Variants in FBXL6 observed in about 807,000 individuals in gnomAD.
FBXL6 encodes F-box and leucine rich repeat protein 6.
FBXL6 carries 50 observed loss-of-function variants against 53.3 expected under a neutral mutation model. The observed-to-expected ratio is 0.94, with a 90% CI of 0.75 to 1.19. The LOEUF is 1.19. Among genes scored for constraint, FBXL6 ranks in the 50% most tolerant of loss-of-function variants. The probability of loss-of-function intolerance (pLI) is 0.00; values close to 1 mark genes in which losing one functional copy is unlikely to be tolerated. For missense variants in FBXL6, 815 were observed against 719.0 expected, an observed-to-expected ratio of 1.13 and a Z score of -1.53; for synonymous variants, 405 against 322.9, an observed-to-expected ratio of 1.25 and a Z score of -2.73.
rs782730397 is a variant in FBXL6, at chr8:144,358,141, G to C, written c.307C>G (p.Pro103Ala). ...CAGCCCGCGTCGGGCCCTTCCTCGG[G>C]CGTGGGCGTGGGTGCCGGTGCGGGT... Reference protein sequence around the residue: ...PAPAPAPTPTPEEGPDAGWGD... With the variant: ...PAPAPAPTPTAEEGPDAGWGD... Residue 103 changes from proline to alanine, a missense_variant, in exon 1 of 9, where the codon CCC (proline) becomes GCC (alanine). Transcript: ENST00000331890. The C allele has an allele frequency of 1.9e-6, 3 of 1,554,248 alleles. No homozygotes were observed. Among genetic ancestry groups the C allele is most frequent in the African/African-American group, 2.8e-5 (2 of 70,308 alleles).
At position 144,356,705 on chromosome 8, in the gene FBXL6, G is replaced by C; in HGVS notation, c.888C>G (p.Cys296Trp). The C allele has an allele frequency of 6.2e-7, 1 of 1,612,320 alleles. No homozygotes were observed. Among genetic ancestry groups the C allele is most frequent in the Middle Eastern group, 1.6e-4 (1 of 6,062 alleles). ...CCTCCAGGACCTGGAGCTGGGGGCA[G>C]CAGCTGCCCTGCAGAGATGGGGGGA... The part of the protein sequence containing the change: ...TAILGALLGS[C>W]CPQLQVLEVS... Residue 296 changes from cysteine (C) to tryptophan (W), a missense_variant, in exon 6 of 9, where the codon TGC (cysteine) becomes TGG (tryptophan). Transcript: ENST00000331890.
In FBXL6 at chr8:144,357,721, G is replaced by C; in HGVS notation, c.482C>G (p.Thr161Ser). Reference protein sequence around the residue: ...ASQPALWHTVTLSSPLVGRPA... With the variant: ...ASQPALWHTVSLSSPLVGRPA... The stretch of plus-strand genomic sequence containing the variant: ...CCGGCCGACCAGCGGGGACGACAGG[G>C]TCACGGTGTGCCAGAGCGCGGGTTG... The change falls in exon 2 of 9, where the codon ACC (threonine) becomes AGC (serine). Residue 161 changes from threonine to serine, a missense_variant. Thr to Ser is a moderately conservative substitution (Grantham distance 58, BLOSUM62 1). Coordinates refer to ENST00000331890, the MANE Select transcript of FBXL6 (RefSeq NM_012162.4). The C allele has an allele frequency of 1.2e-6, 2 of 1,608,096 alleles. No individual in the cohort carries two copies. Among genetic ancestry groups the C allele is most frequent in the East Asian group, 4.5e-5 (2 of 44,726 alleles).
At chr8:144,357,816 C>T (rs1554853284) in intron 1 of FBXL6, 30 bp from the exon 2 acceptor site, 6 of 1,489,028 alleles carry the variant, frequency 4.0e-6, no homozygotes, top group South Asian at 2.6e-5. Flanking sequence ...AGGGTGCCGG[C>T]CCCTCCGTAG....
chr8:144,356,948 C>T (rs541935911), intron 4 of FBXL6, 33 bp from the exon 5 acceptor site: 15 of 1,613,110 alleles, frequency 9.3e-6, no homozygotes, highest in South Asian at 2.2e-5. Context: ...CCCGTCACCC[C>T]GGCCTGGGTT....
chr8:144,355,547 C>CT lies in FBXL6; in HGVS notation c.1603dup (p.Ser535LysfsTer39). 9.9e-6 allele frequency: 16 copies of CT among 1,610,494 alleles called. No homozygotes were observed. The highest frequency in any genetic ancestry group is 1.4e-5 in the Non-Finnish European group (16 of 1,179,264). On this transcript the variant is annotated frameshift_variant, in exon 9 of 9. Coordinates refer to ENST00000331890, the MANE Select transcript of FBXL6 (RefSeq NM_012162.4). LOFTEE classifies it high-confidence loss of function. ...TGTGGCTGCCTAGCTGGGTGAGGGG[C>CT]TGGTGAGCAGCTGCTCCAGACACCA...
In FBXL6 at chr8:144,356,380, C is replaced by T. The variant is rs150083531; in HGVS notation, c.1145G>A (p.Gly382Asp). The change falls in exon 7 of 9, where the codon GGC becomes GAC. Residue 382 changes from glycine to aspartate, a missense_variant. Transcript: ENST00000331890. ...ATCCAGTAAGCGCAGGTTGGGAGAG[C>T]CGTGGAGTAGGCGGCCCAGGACCTC... ...SNEVLGRLLHGSPNLRLLDLR... is the reference protein window; with the variant it reads ...SNEVLGRLLHDSPNLRLLDLR... 2 of 1,379,392 alleles carry T rather than the reference C, an allele frequency of 1.4e-6. No individual in the cohort carries two copies. The highest frequency in any genetic ancestry group is 2.3e-5 in the Admixed American group (1 of 43,990). 85.4% of individuals were successfully genotyped at this position (1,379,392 alleles called of 1,614,324 possible). A position where few individuals can be genotyped will look rare whatever the true frequency, so the allele number is the denominator to read the frequency against.
In FBXL6 at chr8:144,357,667, T is replaced by G. The variant is rs782758799; in HGVS notation, c.536A>C (p.Lys179Thr). The G allele has an allele frequency of 1.2e-6, 2 of 1,610,736 alleles. No homozygotes were observed. The highest frequency in any genetic ancestry group is 2.7e-5 in the African/African-American group (2 of 74,922). ...CCACTCCAGGGAAGCAAGGAGCTTC[T>G]TCTCCGCCTTGACCCCGCCCTTGGC... ...RPAKGGVKAE[K>T]KLLASLEWLM... The change falls in exon 2 of 9, where the codon AAG becomes ACG. Residue 179 changes from lysine to threonine, a missense_variant. By Grantham distance (78) the Lys-to-Thr change is moderately conservative. Coordinates refer to ENST00000331890, the MANE Select transcript of FBXL6 (RefSeq NM_012162.4).
chr8:144,356,109 T>G lies in FBXL6; in HGVS notation c.1331A>C (p.Glu444Ala). 2 of 1,612,962 alleles carry G rather than the reference T, an allele frequency of 1.2e-6. No homozygotes were observed. Among genetic ancestry groups the G allele is most frequent in the Non-Finnish European group, 1.7e-6 (2 of 1,180,022 alleles). ...GAACCCCTGGCCACTCAAGTCCAGT[T>G]CTCGCAGTGTATGGCACCACTTCTG... ...LTQKWCHTLR[E>A]LDLSGQGFSE... is the part of the protein sequence containing the mutation. Residue 444 changes from glutamate (E) to alanine (A), a missense_variant, in exon 8 of 9, where the codon GAA becomes GCA. Glu to Ala is a moderately radical substitution (Grantham distance 107). Coordinates refer to ENST00000331890, the MANE Select transcript of FBXL6 (RefSeq NM_012162.4).
chr8:144,358,145 G>GGGCGTGGGTGCC lies in FBXL6; in HGVS notation c.291_302dup (p.Ala98_Pro101dup). On this transcript the variant is annotated inframe_insertion, in exon 1 of 9. Coordinates refer to ENST00000331890, the MANE Select transcript of FBXL6 (RefSeq NM_012162.4). ...CCGCGTCGGGCCCTTCCTCGGGCGT[G>GGGCGTGGGTGCC]GGCGTGGGTGCCGGTGCGGGTGCGG... is the stretch of plus-strand genomic sequence containing the variant. 1 of 1,551,586 alleles carries GGGCGTGGGTGCC rather than the reference G, an allele frequency of 6.4e-7. No homozygotes were observed. The highest frequency in any genetic ancestry group is 8.6e-7 in the Non-Finnish European group (1 of 1,156,818).
At position 144,356,724 on chromosome 8, in the gene FBXL6, G is replaced by T. The variant is rs781795704; in HGVS notation, c.880-11C>A. The T allele has an allele frequency of 1.2e-6, 2 of 1,610,518 alleles. No individual in the cohort carries two copies. The highest frequency in any genetic ancestry group is 1.7e-6 in the Non-Finnish European group (2 of 1,178,626). Reference sequence around the variant, plus strand: ...GGGGCAGCAGCTGCCCTGCAGAGATGGGGGGAGGGGGTAGGTCACAGGGTC... The same window carrying T: ...GGGGCAGCAGCTGCCCTGCAGAGATTGGGGGAGGGGGTAGGTCACAGGGTC... On this transcript the variant is annotated splice_polypyrimidine_tract_variant and intron_variant, in intron 5 of 8. Coordinates refer to ENST00000331890, the MANE Select transcript of FBXL6 (RefSeq NM_012162.4).
rs781976449 is a variant in FBXL6 at position 144,358,343 on chromosome 8, C to T, written c.105G>A (p.Ser35=). The stretch of plus-strand genomic sequence containing the variant: ...TGTCGGACTGCAGCAGGTGGTACCC[C>T]GAGCCCCTCGGCGCCAGCCGGTCCC... ...WWWDRLAPRG[S]GYHLLQSDSM... The change falls in exon 1 of 9, where the codon TCG becomes TCA. Residue 35 remains serine, a synonymous_variant. Coordinates refer to ENST00000331890, the MANE Select transcript of FBXL6 (RefSeq NM_012162.4). 7.9e-7 allele frequency: 1 copy of T among 1,267,436 alleles called. No individual in the cohort carries two copies. The highest frequency in any genetic ancestry group is 9.9e-7 in the Non-Finnish European group (1 of 1,008,322). The allele number at this position is 1,267,436 out of a possible 1,614,324, so 78.5% of individuals were successfully genotyped here. A position where few individuals can be genotyped will look rare whatever the true frequency, so the allele number is the denominator to read the frequency against.
At position 144,357,440 on chromosome 8, in the gene FBXL6, T is replaced by G; in HGVS notation, c.638A>C (p.Lys213Thr). The G allele has an allele frequency of 1.2e-6, 2 of 1,612,252 alleles. No homozygotes were observed. Among genetic ancestry groups the G allele is most frequent in the Non-Finnish European group, 1.7e-6 (2 of 1,179,452 alleles). ...HWKSQVHPVL[K>T]LVGECCPRLT... is the part of the protein sequence containing the mutation. ...TGCAGGACAGCCTGGAGCTCTCACC[T>G]TCAACACGGGGTGTACCTGAGACTT... is the stretch of plus-strand genomic sequence containing the variant. The change falls in exon 3 of 9, where the codon AAG becomes ACG. Residue 213 changes from lysine to threonine, a missense_variant and splice_region_variant. By Grantham distance (78) the Lys-to-Thr change is moderately conservative (BLOSUM62 -1). Transcript: ENST00000331890.
chr8:144,356,396 C>G lies in FBXL6; in HGVS notation c.1129G>C (p.Gly377Arg). 6.5e-7 allele frequency: 1 copy of G among 1,541,386 alleles called. No homozygotes were observed. The highest frequency in any genetic ancestry group is 8.7e-7 in the Non-Finnish European group (1 of 1,145,978). The change falls in exon 7 of 9, where the codon GGC becomes CGC. Residue 377 changes from glycine (G) to arginine (R), a missense_variant. By Grantham distance (125) the Gly-to-Arg change is moderately radical. Coordinates refer to ENST00000331890, the MANE Select transcript of FBXL6 (RefSeq NM_012162.4). Reference sequence around the variant, plus strand: ...TTGGGAGAGCCGTGGAGTAGGCGGCCCAGGACCTCGTTGCTCACAAAGTTG... The same window carrying G: ...TTGGGAGAGCCGTGGAGTAGGCGGCGCAGGACCTCGTTGCTCACAAAGTTG... ...TCNFVSNEVL[G>R]RLLHGSPNLR...
rs1554852829 is a variant in FBXL6 at position 144,356,513 on chromosome 8, G to T, written c.1012C>A (p.Leu338Met). The T allele has an allele frequency of 6.2e-7, 1 of 1,612,950 alleles. No individual in the cohort carries two copies. Among genetic ancestry groups the T allele is most frequent in the Non-Finnish European group, 8.5e-7 (1 of 1,179,998 alleles). ...CCCGGAGGCTTGGGCAGCCACATCA[G>T]GTTCAACAGCCGCAGCACCTGGGGG... is the stretch of plus-strand genomic sequence containing the variant. Reference protein sequence around the residue: ...PQLQVLRLLNLMWLPKPPGRG... With the variant: ...PQLQVLRLLNMMWLPKPPGRG... Residue 338 changes from leucine (L) to methionine (M), a missense_variant, in exon 7 of 9, where the codon CTG (leucine) becomes ATG (methionine). Physicochemically the swap from Leu to Met is conservative, Grantham distance 15. Transcript: ENST00000331890.
At chr8:144,357,996 C>T in intron 1 of FBXL6, 36 bp downstream of exon 1, 1 of 1,567,496 alleles carries the variant, frequency 6.4e-7, no homozygotes, top group Non-Finnish European at 8.6e-7. Flanking sequence ...TGGCCCAAGC[C>T]GCTACGCTCG....
Position 144,358,448 on chromosome 8 carries a change from G to A in FBXL6, c.-1C>T. The A allele has an allele frequency of 8.1e-7, 1 of 1,240,608 alleles. No homozygotes were observed. The highest frequency in any genetic ancestry group is 1.0e-6 in the Non-Finnish European group (1 of 992,564). The allele number at this position is 1,240,608 out of a possible 1,614,324, so 76.9% of individuals were successfully genotyped here. A position where few individuals can be genotyped will look rare whatever the true frequency, so the allele number is the denominator to read the frequency against. On this transcript the variant is annotated 5_prime_UTR_variant, in exon 1 of 9. Coordinates refer to ENST00000331890, the MANE Select transcript of FBXL6 (RefSeq NM_012162.4). Reference sequence around the variant, plus strand: ...CCTGCCGGGAGGCTGGGGCAGCCATGACCACCGACGGCGCTCGGGGAAGCC... The same window carrying A: ...CCTGCCGGGAGGCTGGGGCAGCCATAACCACCGACGGCGCTCGGGGAAGCC...
rs1300481757 is a variant in FBXL6 at position 144,357,419 on chromosome 8, G to A, written c.639+20C>T. ...CCCAGAGTGTCACAGCTGATGTGCA[G>A]GACAGCCTGGAGCTCTCACCTTCAA... On this transcript the variant is annotated intron_variant, in intron 3 of 8. Transcript: ENST00000331890. The A allele has an allele frequency of 3.1e-6, 5 of 1,607,552 alleles. No individual in the cohort carries two copies. Among genetic ancestry groups the A allele is most frequent in the East Asian group, 4.5e-5 (2 of 44,670 alleles).
chr8:144,358,458 G>T lies in FBXL6; in HGVS notation c.-11C>A, dbSNP rs1334712202. On this transcript the variant is annotated 5_prime_UTR_variant, in exon 1 of 9. Coordinates refer to ENST00000331890, the MANE Select transcript of FBXL6 (RefSeq NM_012162.4). ...GGCTGGGGCAGCCATGACCACCGAC[G>T]GCGCTCGGGGAAGCCCCAGGGAGCG... 9 of 1,237,546 alleles carry T rather than the reference G, an allele frequency of 7.3e-6. No individual in the cohort carries two copies. The highest frequency in any genetic ancestry group is 9.1e-6 in the Non-Finnish European group (9 of 990,856). 76.7% of individuals were successfully genotyped at this position (1,237,546 alleles called of 1,614,324 possible). A position where few individuals can be genotyped will look rare whatever the true frequency, so the allele number is the denominator to read the frequency against.
Position 144,357,049 on chromosome 8 carries a change from GAGCGTC to G in FBXL6, c.706_711del (p.Asp236_Ala237del). 1 of 1,612,986 alleles carries G rather than the reference GAGCGTC, an allele frequency of 6.2e-7. No homozygotes were observed. The highest frequency in any genetic ancestry group is 8.5e-7 in the Non-Finnish European group (1 of 1,180,028). The stretch of plus-strand genomic sequence containing the variant: ...CAGCAGGCTTTGGCTAGCATGACCA[GAGCGTC>G]AGCAGTCACACCGTGGCAGCCGGAG... On this transcript the variant is annotated inframe_deletion, in exon 4 of 9. Transcript: ENST00000331890.
Sources: gnomAD v4.1 joint callset for allele counts on GRCh38, gnomAD v4.1.1 for gene constraint, MANE v1.5 for transcripts, NCBI Gene and HGNC (gene_info 2026-07-23, HGNC 2026-07-21) for gene names.